DAB1: variants seen among roughly 807,000 people sequenced by gnomAD.
The protein encoded by DAB1 is DAB adaptor protein 1, also known as disabled homolog 1.
DAB1 carries 15 observed loss-of-function variants against 64.6 expected under a neutral mutation model. The ratio of observed to expected loss-of-function variants is 0.23; its 90% CI spans 0.16 to 0.36. DAB1 has a LOEUF of 0.36. Ranked by LOEUF, DAB1 falls within the 10% of genes least tolerant of loss-of-function variation. The probability of loss-of-function intolerance (pLI) is 1.00; values close to 1 mark genes in which losing one functional copy is unlikely to be tolerated. For missense variants in DAB1, 596 were observed against 706.7 expected, an observed-to-expected ratio of 0.84 and a Z score of 1.78; for synonymous variants, 235 against 251.9, an observed-to-expected ratio of 0.93 and a Z score of 0.64.
At chr1:57,507,729 G>A (rs546059388) in intron 7 of DAB1, among the ~76,000 whole-genome samples, 7 of 152,224 alleles carry the variant, frequency 4.6e-5, no homozygotes, top group South Asian at 2.1e-4. Flanking sequence ...ATGGGCTTCC[G>A]CATTTACAAA....
At chr1:58,403,124 T>C (rs375011583) in intron 3 of DAB1, among the ~76,000 whole-genome samples, 41 of 152,320 alleles carry the variant, frequency 2.7e-4, no homozygotes, top group Non-Finnish European at 4.3e-4. Flanking sequence ...GTAAAACTTA[T>C]AGAACAAACT....
intron 7 of DAB1, among the ~76,000 whole-genome samples, chr1:57,606,684 G>A (rs1451922845): frequency 1.2e-4 from 8 of 67,762 alleles, no homozygotes; most frequent in Middle Eastern, 8.5e-3. Context: ...TATATATTAT[G>A]TATGAAATAT....
At chr1:57,030,898 T>C (rs528820166) in intron 9 of DAB1, among the ~76,000 whole-genome samples, 163 of 152,362 alleles carry the variant, frequency 1.1e-3, no homozygotes, top group Non-Finnish European at 2.0e-3. Context: ...TCTATGCTTT[T>C]AAAATGGGTC....
chr1:57,651,167 A>AT (rs1455064869), intron 6 of DAB1, among the ~76,000 whole-genome samples: 4 of 152,056 alleles, frequency 2.6e-5, no homozygotes, highest in Non-Finnish European at 1.5e-5. Flanking sequence ...AAAAAAAAAA[A>AT]GATCTTATGG....
chr1:57,560,531 C>T (rs1382502132), intron 7 of DAB1, among the ~76,000 whole-genome samples: 2 of 152,150 alleles, frequency 1.3e-5, no homozygotes, highest in African/African-American at 4.8e-5. Flanking sequence ...AAGAAAGAGG[C>T]ATAACACCTA....
At chr1:57,550,125 T>A (rs982920419) in intron 7 of DAB1, among the ~76,000 whole-genome samples, 1 of 152,186 alleles carries the variant, frequency 6.6e-6, no homozygotes, top group Non-Finnish European at 1.5e-5. Flanking sequence ...ACAGGATTTG[T>A]GCACCTCAGT....
chr1:57,042,828 C>T (rs1168373109), intron 9 of DAB1, among the ~76,000 whole-genome samples: 2 of 151,872 alleles, frequency 1.3e-5, no homozygotes, highest in Admixed American at 1.3e-4. Context: ...TGCATGCATG[C>T]ACACATACAC....
rs192932123 is a variant in DAB1 at position 57,998,508 on chromosome 1, C to T, written n.388-114346G>A. Among the ~76,000 whole-genome samples the T allele has an allele frequency of 2.5e-3, 380 of 151,434 alleles. 3 individuals are homozygous for T. The highest frequency in any genetic ancestry group is 9.0e-3 in the African/African-American group (370 of 41,244). On this transcript the variant is annotated intron_variant and non_coding_transcript_variant, in intron 5 of 20. Transcript: ENST00000485760. ...CCTCTTGAGTAGCTGGGACTACAGG[C>T]GCACACCACCACACCCAGCTAATTT...
At chr1:58,328,980 G>T (rs1662910804) in intron 4 of DAB1, among the ~76,000 whole-genome samples, 1 of 152,172 alleles carries the variant, frequency 6.6e-6, no homozygotes, top group African/African-American at 2.4e-5. Flanking sequence ...CCTCCTTTGT[G>T]TAAGCTCTTG....
At chr1:57,973,893 T>C (rs930324722) in intron 5 of DAB1, among the ~76,000 whole-genome samples, 5 of 152,150 alleles carry the variant, frequency 3.3e-5, no homozygotes, top group Non-Finnish European at 7.4e-5. Flanking sequence ...TCAAAATCCT[T>C]AATGGGATCA....
At chr1:58,529,279 A>T (rs17117643) in intron 1 of DAB1, among the ~76,000 whole-genome samples, 20,548 of 152,226 alleles carry the variant, frequency 0.13, 1,522 homozygotes, top group African/African-American at 0.19. Context: ...CTCTGATGGG[A>T]ACTCCACAAA....
At chr1:58,417,152 C>T (rs1195578296) in intron 3 of DAB1, among the ~76,000 whole-genome samples, 1 of 152,216 alleles carries the variant, frequency 6.6e-6, no homozygotes. Flanking sequence ...CTCTTCTTGC[C>T]TTATGGCTGT....
At position 58,147,214 on chromosome 1, in the gene DAB1, G is replaced by A. The variant is rs576371751; in HGVS notation, n.387+3297C>T. 1.4e-4 allele frequency among the ~76,000 whole-genome samples: 22 copies of A among 151,850 alleles called. No individual in the cohort carries two copies. In the East Asian group the frequency reaches 3.5e-3, roughly 24 times the overall value. On this transcript the variant is annotated intron_variant and non_coding_transcript_variant, in intron 5 of 20. Transcript: ENST00000485760. ...CTCAGCTACTCAGGAGGCTGAGGCA[G>A]GAGAATCACTTGAGCCTGGGAGGCG...
intron 8 of DAB1, 86 bp from the exon 9 acceptor site, chr1:57,063,029 T>A: frequency 8.5e-7 from 1 of 1,182,974 alleles, no homozygotes; most frequent in Non-Finnish European, 1.2e-6. Flanking sequence ...AACTGCAAGC[T>A]GGCTAAGGGT....
intron 3 of DAB1, among the ~76,000 whole-genome samples, chr1:58,476,829 T>C (rs1280270631): frequency 6.6e-6 from 1 of 152,222 alleles, no homozygotes; most frequent in Non-Finnish European, 1.5e-5. Flanking sequence ...ATGGACATTT[T>C]TCATCCTCAC....
rs566125546 is a variant in DAB1 at position 58,424,918 on chromosome 1, G to A, written n.257+81142C>T. On this transcript the variant is annotated intron_variant and non_coding_transcript_variant, in intron 3 of 20. Transcript: ENST00000485760. ...ATTTGGTGAGGTGGTGTGGGTGGGTGGGTGAACACAGTTTGGAAGGCAATG... is the reference window on the plus strand; with the variant it reads ...ATTTGGTGAGGTGGTGTGGGTGGGTAGGTGAACACAGTTTGGAAGGCAATG... 1.0e-3 allele frequency among the ~76,000 whole-genome samples: 157 copies of A among 149,566 alleles called. 1 individual carries two copies. The highest frequency in any genetic ancestry group is 3.4e-3 in the Middle Eastern group (1 of 292).
At chr1:57,782,223 T>C (rs1246803660) in intron 6 of DAB1, among the ~76,000 whole-genome samples, 1 of 152,140 alleles carries the variant, frequency 6.6e-6, no homozygotes, top group East Asian at 1.9e-4. Flanking sequence ...AGCCAGAGAA[T>C]GGATCTTAAA....
At chr1:57,366,236 A>C (rs911221524) in intron 1 of DAB1, among the ~76,000 whole-genome samples, 7 of 152,200 alleles carry the variant, frequency 4.6e-5, no homozygotes, top group African/African-American at 1.7e-4. Flanking sequence ...CCTGTTTATG[A>C]GTCCGTTTTA....
intron 2 of DAB1, among the ~76,000 whole-genome samples, chr1:57,170,072 C>T (rs1204296193): frequency 6.6e-6 from 1 of 151,744 alleles, no homozygotes; most frequent in Non-Finnish European, 1.5e-5. Flanking sequence ...ACTCGGCTCC[C>T]TGCAACCTCT....
Sources: gnomAD v4.1 joint callset for allele counts (sites outside exome capture counted in the v4.1 genomes callset) on GRCh38, gnomAD v4.1.1 for gene constraint, MANE v1.5 for transcripts, NCBI Gene and HGNC (gene_info 2026-07-23, HGNC 2026-07-21) for gene names.